KL: variants seen among roughly 807,000 people sequenced by gnomAD.
KL encodes alpha-klotho.
Under a neutral mutation model 84.2 loss-of-function variants are expected in KL, and 62 were observed. The observed-to-expected ratio is 0.74, with a 90% CI of 0.60 to 0.91. KL has a LOEUF of 0.91. KL is among the 40% of genes least tolerant of loss of function. KL has a pLI of 0.00. For missense variants in KL, 1,261 were observed against 1,305.7 expected, an observed-to-expected ratio of 0.97 and a Z score of 0.53; for synonymous variants, 528 against 528.0, an observed-to-expected ratio of 1.00 and a Z score of 0.00.
rs545672382 is a variant in KL at position 33,053,842 on chromosome 13, A to G, written c.895A>G (p.Ser299Gly). 6.2e-7 allele frequency: 1 copy of G among 1,614,120 alleles called. No individual in the cohort carries two copies. Among genetic ancestry groups the G allele is most frequent in the South Asian group, 1.1e-5 (1 of 91,076 alleles). The change falls in exon 2 of 5, where the codon AGC becomes GGC. Residue 299 changes from serine (S) to glycine (G), a missense_variant. Transcript: ENST00000380099. ...GGGAGGTCAGGTGTCCATTGCCCTAAGCTCTCACTGGATCAATCCTCGAAG... is the reference window on the plus strand; with the variant it reads ...GGGAGGTCAGGTGTCCATTGCCCTAGGCTCTCACTGGATCAATCCTCGAAG... ...TQGGQVSIAL[S>G]SHWINPRRMT... is the part of the protein sequence containing the mutation.
Position 33,064,377 on chromosome 13 carries a change from G to A in KL, c.*191G>A. 1.9e-6 allele frequency: 1 copy of A among 533,184 alleles called. No individual in the cohort carries two copies. Among genetic ancestry groups the A allele is most frequent in the South Asian group, 2.3e-5 (1 of 42,564 alleles). 33.0% of individuals were successfully genotyped at this position (533,184 alleles called of 1,614,324 possible). On this transcript the variant is annotated 3_prime_UTR_variant, in exon 5 of 5. Transcript: ENST00000380099. ...CGTAAAATATTGAATAATGCGAATA[G>A]TGCCTGAATTTGTTCTCTTTTTGGG...
intron 1 of KL, among the ~76,000 whole-genome samples, chr13:33,029,765 C>G (rs1011076443): frequency 6.6e-6 from 1 of 152,188 alleles, no homozygotes; most frequent in African/African-American, 2.4e-5. Context: ...TCCCGAGTAG[C>G]TGGGACTACA....
intron 1 of KL, among the ~76,000 whole-genome samples, chr13:33,043,379 C>G (rs1316108921): frequency 6.6e-6 from 1 of 152,068 alleles, no homozygotes; most frequent in Non-Finnish European, 1.5e-5. Context: ...GCCACCACAC[C>G]CAGCTAATTT....
At chr13:33,022,032 A>G (rs1322116026) in intron 1 of KL, among the ~76,000 whole-genome samples, 7 of 152,232 alleles carry the variant, frequency 4.6e-5, no homozygotes, top group Non-Finnish European at 7.3e-5. Flanking sequence ...TTTTGAACAC[A>G]TTGTTTTTTG....
At chr13:33,017,405 T>C in intron 1 of KL, 146 bp downstream of exon 1, 1 of 782,618 alleles carries the variant, frequency 1.3e-6, no homozygotes, top group Non-Finnish European at 2.0e-6. Flanking sequence ...ACTGAGCAGT[T>C]CTGACTTCCC....
At chr13:33,060,047 T>A (rs1872114345) in intron 3 of KL, among the ~76,000 whole-genome samples, 1 of 152,212 alleles carries the variant, frequency 6.6e-6, no homozygotes, top group Non-Finnish European at 1.5e-5. Flanking sequence ...TACTGCAGCC[T>A]TGACCTCCCA....
At chr13:33,023,667 T>C (rs1870652568) in intron 1 of KL, among the ~76,000 whole-genome samples, 1 of 152,096 alleles carries the variant, frequency 6.6e-6, no homozygotes. Flanking sequence ...TTGATTGAAC[T>C]TTTGTGGCCC....
At chr13:33,018,380 A>T (rs1870449409) in intron 1 of KL, among the ~76,000 whole-genome samples, 1 of 152,330 alleles carries the variant, frequency 6.6e-6, no homozygotes, top group African/African-American at 2.4e-5. Context: ...AAAGCCATAG[A>T]TAATATGGGC....
intron 1 of KL, among the ~76,000 whole-genome samples, chr13:33,048,702 C>T (rs1444165614): frequency 6.6e-6 from 1 of 152,164 alleles, no homozygotes; most frequent in Non-Finnish European, 1.5e-5. Flanking sequence ...CTCAGCCATA[C>T]CTAGAACACA....
rs1370073732 is a variant in KL at position 33,017,089 on chromosome 13, A to G, written c.649A>G (p.Arg217Gly). 6.2e-7 allele frequency: 1 copy of G among 1,605,540 alleles called. No individual in the cohort carries two copies. The highest frequency in any genetic ancestry group is 8.5e-7 in the Non-Finnish European group (1 of 1,179,676). Residue 217 changes from arginine (R) to glycine (G), a missense_variant, in exon 1 of 5, where the codon AGG (arginine) becomes GGG (glycine). Coordinates refer to ENST00000380099, the MANE Select transcript of KL (RefSeq NM_004795.4). ...WANRALADHF[R>G]DYAELCFRHF... ...CAACCGCGCCCTGGCCGACCACTTC[A>G]GGGATTACGCGGAGCTCTGCTTCCG...
At chr13:33,033,378 G>T (rs1871041586) in intron 1 of KL, among the ~76,000 whole-genome samples, 1 of 152,082 alleles carries the variant, frequency 6.6e-6, no homozygotes, top group Non-Finnish European at 1.5e-5. Context: ...TTCGTCACAG[G>T]GGATCAAGCA....
chr13:33,028,414 C>T (rs922853379), intron 1 of KL, among the ~76,000 whole-genome samples: 15 of 152,126 alleles, frequency 9.9e-5, no homozygotes, highest in Non-Finnish European at 2.1e-4. Flanking sequence ...TTCCATAAAC[C>T]CTTTCTCAGG....
intron 3 of KL, among the ~76,000 whole-genome samples, chr13:33,055,528 AAAT>A (rs1440706918): frequency 6.6e-6 from 1 of 152,258 alleles, no homozygotes; most frequent in African/African-American, 2.4e-5. Context: ...ATCCAAAGAT[AAAT>A]AAATTTAAAG....
intron 1 of KL, among the ~76,000 whole-genome samples, chr13:33,044,640 C>CT (rs71071071): frequency 0.014 from 744 of 52,740 alleles, 175 homozygotes; most frequent in African/African-American, 0.048. Flanking sequence ...AATTGATTTT[C>CT]TTTTTTTTTT....
At chr13:33,046,338 A>G (rs1374131754) in intron 1 of KL, among the ~76,000 whole-genome samples, 3 of 152,016 alleles carry the variant, frequency 2.0e-5, no homozygotes, top group Non-Finnish European at 4.4e-5. Context: ...TAGATTTTGT[A>G]TTTTTTCCTT....
At chr13:33,053,521 C>T (rs923174211) in intron 1 of KL, among the ~76,000 whole-genome samples, 1 of 152,140 alleles carries the variant, frequency 6.6e-6, no homozygotes, top group Non-Finnish European at 1.5e-5. Flanking sequence ...ACACACTCAA[C>T]CCAAGGAATC....
chr13:33,046,441 T>C (rs1414188190), intron 1 of KL, among the ~76,000 whole-genome samples: 1 of 152,216 alleles, frequency 6.6e-6, no homozygotes, highest in African/African-American at 2.4e-5. Context: ...TAATGTTCTC[T>C]TGTAATCCTT....
chr13:33,031,814 T>C (rs1309774523), intron 1 of KL, among the ~76,000 whole-genome samples: 1 of 152,226 alleles, frequency 6.6e-6, no homozygotes, highest in Non-Finnish European at 1.5e-5. Context: ...GTTTTCATGA[T>C]AAGCCTTTGG....
intron 4 of KL, among the ~76,000 whole-genome samples, chr13:33,062,282 G>C (rs1333406588): frequency 1.3e-5 from 2 of 152,096 alleles, no homozygotes; most frequent in African/African-American, 4.8e-5. Flanking sequence ...CTTGGGAGGA[G>C]AGGCGGGAGG....
Sources: allele counts gnomAD v4.1 joint callset (sites outside exome capture counted in the v4.1 genomes callset), GRCh38; gene constraint gnomAD v4.1.1; transcripts MANE v1.5; gene names NCBI Gene and HGNC (gene_info 2026-07-23, HGNC 2026-07-21).